The following CAMKMT variants were observed in gnomAD, a reference collection of about 807,000 sequenced individuals.
CAMKMT encodes calmodulin-lysine N-methyltransferase.
A neutral mutation model predicts 48.0 loss-of-function variants in CAMKMT; 53 were observed. The ratio of observed to expected loss-of-function variants is 1.10; its 90% confidence interval spans 0.89 to 1.39. The LOEUF is 1.39. Among genes scored for constraint, CAMKMT ranks in the 40% most tolerant of loss-of-function variants. CAMKMT has a pLI of 0.00. For missense variants in CAMKMT, 428 were observed against 402.7 expected (o/e 1.06, Z -0.54); for synonymous variants, 165 against 152.3 (o/e 1.08, Z -0.61).
chr2:44,731,236 G>A (rs1244855258), intron 7 of CAMKMT, among the ~76,000 whole-genome samples: 5 of 152,166 alleles, frequency 3.3e-5, no homozygotes, highest in East Asian at 1.9e-4. Context: ...AGCTACTAGG[G>A]AGGCTGAGGC....
intron 3 of CAMKMT, among the ~76,000 whole-genome samples, chr2:44,666,410 C>T (rs542013406): frequency 1.8e-4 from 28 of 152,066 alleles, no homozygotes; most frequent in African/African-American, 6.5e-4. Context: ...AAGTCCAGGA[C>T]CCCCCCGAGC....
chr2:44,690,652 A>G (rs1463009259), intron 3 of CAMKMT, among the ~76,000 whole-genome samples: 1 of 152,184 alleles, frequency 6.6e-6, no homozygotes, highest in African/African-American at 2.4e-5. Flanking sequence ...TTTGCCAGGT[A>G]GTAAGTGTTC....
intron 3 of CAMKMT, among the ~76,000 whole-genome samples, chr2:44,512,482 A>T (rs1670616924): frequency 6.6e-6 from 1 of 152,194 alleles, no homozygotes; most frequent in South Asian, 2.1e-4. Context: ...CATTTATCTC[A>T]TTTTGACAGT....
At chr2:44,758,186 G>A (rs12620511) in intron 9 of CAMKMT, among the ~76,000 whole-genome samples, 25,822 of 152,240 alleles carry the variant, frequency 0.17, 2,782 homozygotes, top group East Asian at 0.56. Flanking sequence ...TGCCATCTAG[G>A]GGAGTATGGT....
chr2:44,366,267 A>C (rs1678580958), intron 1 of CAMKMT, among the ~76,000 whole-genome samples: 1 of 152,264 alleles, frequency 6.6e-6, no homozygotes, highest in South Asian at 2.1e-4. Flanking sequence ...GAAGAAGCAC[A>C]GTTAACTTGG....
At chr2:44,508,317 C>G (rs1445108838) in intron 3 of CAMKMT, among the ~76,000 whole-genome samples, 1 of 152,146 alleles carries the variant, frequency 6.6e-6, no homozygotes, top group Non-Finnish European at 1.5e-5. Context: ...GAGCAAATAT[C>G]TAGGTATTAA....
chr2:44,553,447 A>C (rs1399056648), intron 3 of CAMKMT, among the ~76,000 whole-genome samples: 2 of 148,896 alleles, frequency 1.3e-5, no homozygotes, highest in African/African-American at 5.0e-5. Context: ...TGTAACCTCC[A>C]CCTCCTGGGT....
At chr2:44,422,271 C>T (rs986354191) in intron 3 of CAMKMT, among the ~76,000 whole-genome samples, 3 of 152,216 alleles carry the variant, frequency 2.0e-5, no homozygotes, top group Admixed American at 6.5e-5. Flanking sequence ...AATACTTATA[C>T]AGCCTGTAGA....
At chr2:44,415,839 A>G (rs1683514005) in intron 3 of CAMKMT, among the ~76,000 whole-genome samples, 1 of 152,140 alleles carries the variant, frequency 6.6e-6, no homozygotes, top group African/African-American at 2.4e-5. Context: ...TCAGTACTTC[A>G]TTTCTAACCC....
chr2:44,570,236 A>G (rs1668835394), intron 3 of CAMKMT, among the ~76,000 whole-genome samples: 2 of 152,124 alleles, frequency 1.3e-5, no homozygotes, highest in South Asian at 4.1e-4. Context: ...GTTTCTTTAA[A>G]CTCTATTCAA....
chr2:44,527,026 A>G (rs1666150055), intron 3 of CAMKMT, among the ~76,000 whole-genome samples: 2 of 150,456 alleles, frequency 1.3e-5, no homozygotes, highest in Admixed American at 6.7e-5. Context: ...AAGAAACCCT[A>G]TACCCATTAG....
In CAMKMT at chr2:44,710,088, T is replaced by A. The variant is rs373252274; in HGVS notation, c.556+2626T>A. Among the ~76,000 whole-genome samples the A allele has an allele frequency of 5.7e-4, 86 of 152,022 alleles. No homozygotes were observed. In the South Asian group the frequency reaches 0.018, roughly 32 times the overall value. On this transcript the variant is annotated intron_variant, in intron 6 of 10. Coordinates refer to ENST00000378494, the MANE Select transcript of CAMKMT (RefSeq NM_024766.5). ...TCTTAGTCTCTTAAGCTTCTAAGAT[T>A]CTGATTTTTACCTTTTTTTAAAAAA...
chr2:44,429,642 A>G (rs970798795), intron 3 of CAMKMT, among the ~76,000 whole-genome samples: 1 of 151,940 alleles, frequency 6.6e-6, no homozygotes, highest in Non-Finnish European at 1.5e-5. Flanking sequence ...TCTACTAAAA[A>G]TACAAAAAAT....
intron 3 of CAMKMT, among the ~76,000 whole-genome samples, chr2:44,432,541 GT>G (rs1684713200): frequency 6.6e-6 from 1 of 152,132 alleles, no homozygotes; most frequent in East Asian, 1.9e-4. Flanking sequence ...TGTCAAATGG[GT>G]TTTCAAGGAG....
At chr2:44,493,934 T>C (rs1204396284) in intron 3 of CAMKMT, among the ~76,000 whole-genome samples, 2 of 152,222 alleles carry the variant, frequency 1.3e-5, no homozygotes, top group African/African-American at 4.8e-5. Flanking sequence ...CTGGCTACAT[T>C]TGGATAATAA....
chr2:44,477,802 A>G (rs1342710854), intron 3 of CAMKMT, among the ~76,000 whole-genome samples: 1 of 152,238 alleles, frequency 6.6e-6, no homozygotes. Context: ...TGATAGGCCT[A>G]AATTCAGGAC....
intron 3 of CAMKMT, among the ~76,000 whole-genome samples, chr2:44,568,474 C>T (rs1668728891): frequency 6.6e-6 from 1 of 152,148 alleles, no homozygotes; most frequent in Admixed American, 6.5e-5. Flanking sequence ...CATGTCCATG[C>T]AGAGGTCACC....
At chr2:44,620,124 A>G (rs1337029796) in intron 3 of CAMKMT, among the ~76,000 whole-genome samples, 2 of 152,236 alleles carry the variant, frequency 1.3e-5, no homozygotes, top group African/African-American at 4.8e-5. Flanking sequence ...ACTTAGCAAT[A>G]ATTTCTTAAT....
At chr2:44,542,128 TC>T (rs1667147260) in intron 3 of CAMKMT, among the ~76,000 whole-genome samples, 1 of 119,768 alleles carries the variant, frequency 8.3e-6, no homozygotes. Flanking sequence ...AAACTCTGTC[TC>T]AAAAAAAAAA....
Sources: allele counts gnomAD v4.1 joint callset (sites outside exome capture counted in the v4.1 genomes callset), GRCh38; gene constraint gnomAD v4.1.1; transcripts MANE v1.5; gene names NCBI Gene and HGNC (gene_info 2026-07-23, HGNC 2026-07-21).